Variants in SLC1A7 observed in about 807,000 individuals in gnomAD.
The protein encoded by SLC1A7 is solute carrier family 1 member 7.
SLC1A7 carries 40 observed loss-of-function variants against 47.7 expected under a neutral mutation model. The ratio of observed to expected loss-of-function variants is 0.84; its 90% CI spans 0.65 to 1.09. The LOEUF is 1.09. Among genes scored for constraint, SLC1A7 ranks in the 50% least tolerant of loss-of-function variants. The probability of loss-of-function intolerance (pLI) is 0.00; values close to 1 mark genes in which losing one functional copy is unlikely to be tolerated. For missense variants in SLC1A7, 746 were observed against 769.5 expected, an observed-to-expected ratio of 0.97 and a Z score of 0.36; for synonymous variants, 323 against 325.6, an observed-to-expected ratio of 0.99 and a Z score of 0.09.
chr1:53,090,452 G>T, intron 8 of SLC1A7, 160 bp downstream of exon 8: 2 of 1,179,574 alleles, frequency 1.7e-6, no homozygotes, highest in Non-Finnish European at 2.3e-6. Flanking sequence ...CTCCCTCCCG[G>T]GCTGTCCTCC....
rs74676374 is a variant in SLC1A7 at position 53,093,717 on chromosome 1, C to T, written c.698-157G>A. Among the ~76,000 whole-genome samples the T allele has an allele frequency of 4.8e-3, 632 of 130,440 alleles. 5 individuals carry two copies. Among genetic ancestry groups the T allele is most frequent in the African/African-American group, 0.017 (592 of 35,072 alleles). The allele number at this position is 130,440 out of a possible 152,430, so 85.6% of individuals were successfully genotyped here. On this transcript the variant is annotated intron_variant, in intron 5 of 10. Transcript: ENST00000371494. ...CCTCTCTCCTCCTCCACTCTACTAC[C>T]GATCCCACAGTGCTCTCACGTCCTC...
At position 53,090,765 on chromosome 1, in the gene SLC1A7, T is replaced by C. The variant is rs1035745221; in HGVS notation, c.1073A>G (p.Asn358Ser). 12 of 1,613,512 alleles carry C rather than the reference T, an allele frequency of 7.4e-6. No individual in the cohort carries two copies. The highest frequency in any genetic ancestry group is 1.3e-5 in the African/African-American group (1 of 74,942). ...LPITFKCLLE[N>S]NHIDRRIARF... ...AGCGATGCGCCGGTCGATGTGGTTG[T>C]TCTCCAGCAGGCACTTGAAGGTGAT... is the stretch of plus-strand genomic sequence containing the variant. Residue 358 changes from asparagine to serine, a missense_variant, in exon 8 of 11, where the codon AAC (asparagine) becomes AGC (serine). Physicochemically the swap from Asn to Ser is conservative, Grantham distance 46. Transcript: ENST00000371494.
intron 5 of SLC1A7, among the ~76,000 whole-genome samples, chr1:53,100,945 G>A (rs557550451): frequency 8.0e-4 from 118 of 147,718 alleles, no homozygotes; most frequent in African/African-American, 2.8e-3. Context: ...ACCCTGCACC[G>A]GTACACTCCC....
intron 8 of SLC1A7, 124 bp downstream of exon 8, chr1:53,090,488 C>T: frequency 7.1e-7 from 1 of 1,400,596 alleles, no homozygotes; most frequent in Non-Finnish European, 9.4e-7. Context: ...AGCCCTGGCC[C>T]TCTGCCTGCT....
At chr1:53,108,346 G>A in intron 3 of SLC1A7, 1 of 562,082 alleles carries the variant, frequency 1.8e-6, no homozygotes, top group Non-Finnish European at 3.2e-6. Context: ...TACCTATATA[G>A]ACATTTCTTT....
chr1:53,111,250 CAGAG>C (rs1398356170), intron 3 of SLC1A7, among the ~76,000 whole-genome samples: 1 of 152,016 alleles, frequency 6.6e-6, no homozygotes, highest in Admixed American at 6.6e-5. Flanking sequence ...GAGGGCCACC[CAGAG>C]AGGAGGCAAT....
chr1:53,110,038 C>T (rs1644685910), intron 3 of SLC1A7, among the ~76,000 whole-genome samples: 1 of 152,230 alleles, frequency 6.6e-6, no homozygotes, highest in Non-Finnish European at 1.5e-5. Flanking sequence ...CAAAGCCTAA[C>T]AGCCAGCCCC....
At chr1:53,136,577 A>T (rs192732439) in intron 1 of SLC1A7, among the ~76,000 whole-genome samples, 7,096 of 136,152 alleles carry the variant, frequency 0.052, 444 homozygotes, top group African/African-American at 0.075. Context: ...AAACATATAT[A>T]ATATATAAAC....
chr1:53,124,474 G>T (rs1222859658), intron 2 of SLC1A7, among the ~76,000 whole-genome samples: 1 of 152,194 alleles, frequency 6.6e-6, no homozygotes, highest in African/African-American at 2.4e-5. Context: ...CAAAAAGCAA[G>T]TGGAGAATTG....
At chr1:53,101,649 A>G (rs1243953938) in intron 5 of SLC1A7, among the ~76,000 whole-genome samples, 4 of 150,982 alleles carry the variant, frequency 2.6e-5, no homozygotes, top group Non-Finnish European at 4.4e-5. Context: ...TTGCCTCGGT[A>G]CACTCACACT....
chr1:53,136,548 T>TATATAAATATATATA lies in SLC1A7; in HGVS notation c.136-2120_136-2119insTATATATATTTATAT. Among the ~76,000 whole-genome samples, 2 of 40,428 alleles carry TATATAAATATATATA rather than the reference T, an allele frequency of 4.9e-5. 1 individual carries two copies. Among genetic ancestry groups the TATATAAATATATATA allele is most frequent in the East Asian group, 1.6e-3 (2 of 1,290 alleles). The allele number at this position is 40,428 out of a possible 152,430, so 26.5% of individuals were successfully genotyped here. A position where few individuals can be genotyped will look rare whatever the true frequency, so the allele number is the denominator to read the frequency against. ...TATATTTATATAAACATATATATAATATATATAAACATATATATAAACATA... is the reference window on the plus strand; with the variant it reads ...TATATTTATATAAACATATATATAATATATAAATATATATAATATATAAACATATATATAAACATA... On this transcript the variant is annotated intron_variant, in intron 1 of 10. Transcript: ENST00000371494.
chr1:53,104,792 C>T (rs559795345), intron 4 of SLC1A7, among the ~76,000 whole-genome samples: 1 of 152,304 alleles, frequency 6.6e-6, no homozygotes, highest in African/African-American at 2.4e-5. Context: ...GTTCAGGAAA[C>T]CCTTGCTGGA....
At chr1:53,111,334 C>T (rs561533780) in intron 3 of SLC1A7, among the ~76,000 whole-genome samples, 56 of 152,158 alleles carry the variant, frequency 3.7e-4, no homozygotes, top group African/African-American at 1.2e-3. Flanking sequence ...AGAGTTGGGG[C>T]GGAGGTCAGA....
intron 5 of SLC1A7, among the ~76,000 whole-genome samples, chr1:53,099,142 C>T (rs932641825): frequency 3.3e-5 from 5 of 150,866 alleles, no homozygotes; most frequent in Admixed American, 2.0e-4. Flanking sequence ...TCGGTACAGA[C>T]ACACGCTGCC....
At chr1:53,108,725 A>G in intron 3 of SLC1A7, 3 of 710,962 alleles carry the variant, frequency 4.2e-6, no homozygotes, top group Non-Finnish European at 7.9e-6. Flanking sequence ...GGCACGGCAC[A>G]CAGGAGGGCA....
Position 53,090,823 on chromosome 1 carries a change from C to T in SLC1A7, c.1032-17G>A, listed in dbSNP as rs78040334. ...GTGGCTGAGCTACGGTTAGAGGGGC[C>T]GGTGTCTGCCCAGCACCCTCCTCCA... On this transcript the variant is annotated splice_polypyrimidine_tract_variant and intron_variant, in intron 7 of 10. Coordinates refer to ENST00000371494, the MANE Select transcript of SLC1A7 (RefSeq NM_006671.6). The T allele has an allele frequency of 4.4e-3, 7,099 of 1,596,078 alleles. 274 individuals carry two copies. In the African/African-American group the frequency reaches 0.082, roughly 18 times the overall value.
At chr1:53,096,896 G>GGTACACTCACACACACCCCCTCA (rs1557669867) in intron 5 of SLC1A7, among the ~76,000 whole-genome samples, 1 of 137,674 alleles carries the variant, frequency 7.3e-6, no homozygotes, top group Non-Finnish European at 1.6e-5. Context: ...GACCTGCCTC[G>GGTACACTCACACACACCCCCTCA]GTACACTCAC....
chr1:53,099,732 T>C lies in SLC1A7; in HGVS notation c.697+3614A>G, dbSNP rs140448150. The stretch of plus-strand genomic sequence containing the variant: ...CACCACCTCGGTACACTCACACCCC[T>C]CCTTGTTACACACACACCTTACCTT... On this transcript the variant is annotated intron_variant, in intron 5 of 10. Coordinates refer to ENST00000371494, the MANE Select transcript of SLC1A7 (RefSeq NM_006671.6). Among the ~76,000 whole-genome samples, 95 of 92,222 alleles carry C rather than the reference T, an allele frequency of 1.0e-3. No individual in the cohort carries two copies. The East Asian group carries it at 0.011, about 11-fold the overall frequency. The allele number at this position is 92,222 out of a possible 152,430, so 60.5% of individuals were successfully genotyped here.
chr1:53,136,547 A>AACGTATAT (rs777467682), intron 1 of SLC1A7, among the ~76,000 whole-genome samples: 4 of 84,018 alleles, frequency 4.8e-5, no homozygotes, highest in Non-Finnish European at 7.3e-5. Flanking sequence ...CATATATATA[A>AACGTATAT]TATATATAAA....
Sources: allele counts gnomAD v4.1 joint callset (sites outside exome capture counted in the v4.1 genomes callset), GRCh38; gene constraint gnomAD v4.1.1; transcripts MANE v1.5; gene names NCBI Gene and HGNC (gene_info 2026-07-23, HGNC 2026-07-21).